AATF: variants seen among roughly 807,000 people sequenced by gnomAD.
The protein encoded by AATF is protein AATF.
AATF carries 48 observed loss-of-function variants against 63.7 expected under a neutral mutation model. The ratio of observed to expected loss-of-function variants is 0.75; its 90% CI spans 0.60 to 0.96. The LOEUF is 0.96. Among genes scored for constraint, AATF ranks in the 40% least tolerant of loss-of-function variants. The pLI, the probability that AATF is intolerant of heterozygous loss-of-function variation, is 0.00. For synonymous variants in AATF, 258 were observed against 247.7 expected, an observed-to-expected ratio of 1.04 and a Z score of -0.39; for missense variants, 639 against 685.7, an observed-to-expected ratio of 0.93 and a Z score of 0.76.
intron 4 of AATF, among the ~76,000 whole-genome samples, chr17:36,981,661 CTCTTTCTTCTTTCT>C (rs551265991): frequency 1.8e-4 from 26 of 147,438 alleles, no homozygotes; most frequent in African/African-American, 3.0e-4. Flanking sequence ...TTCTTTCTTC[CTCTTTCTTCTTTCT>C]TCTTTCTTCT....
intron 11 of AATF, among the ~76,000 whole-genome samples, chr17:37,045,195 C>G (rs1203818015): frequency 6.6e-6 from 1 of 152,182 alleles, no homozygotes; most frequent in Non-Finnish European, 1.5e-5. Flanking sequence ...CCTGAATGAG[C>G]CATAACCACA....
At chr17:37,000,773 A>G (rs1255345165) in intron 8 of AATF, among the ~76,000 whole-genome samples, 1 of 152,196 alleles carries the variant, frequency 6.6e-6, no homozygotes, top group Non-Finnish European at 1.5e-5. Flanking sequence ...AACAAAAGTG[A>G]TGAAGAAGGA....
At chr17:36,954,196 C>T (rs2070881265) in intron 4 of AATF, among the ~76,000 whole-genome samples, 1 of 151,742 alleles carries the variant, frequency 6.6e-6, no homozygotes, top group African/African-American at 2.4e-5. Context: ...GTGATCCTCC[C>T]ACCTTAGCCT....
At chr17:36,988,330 C>T (rs542679419) in intron 5 of AATF, among the ~76,000 whole-genome samples, 189 bp from the exon 6 acceptor site, 16 of 152,088 alleles carry the variant, frequency 1.1e-4, no homozygotes, top group East Asian at 3.9e-4. Flanking sequence ...AAAAGTTACA[C>T]GAGTTTTTGA....
intron 10 of AATF, among the ~76,000 whole-genome samples, chr17:37,029,297 G>A (rs1479963274): frequency 6.6e-6 from 1 of 151,820 alleles, no homozygotes; most frequent in Non-Finnish European, 1.5e-5. Flanking sequence ...AGGCTGGAGT[G>A]CAGTGGCCTG....
intron 4 of AATF, among the ~76,000 whole-genome samples, chr17:36,977,487 A>T (rs1380816907): frequency 1.3e-5 from 2 of 150,648 alleles, no homozygotes; most frequent in African/African-American, 4.9e-5. Flanking sequence ...TTTTTTTTTT[A>T]AAGACGTTAT....
intron 4 of AATF, among the ~76,000 whole-genome samples, chr17:36,954,760 G>A (rs2070886145): frequency 2.6e-5 from 4 of 152,108 alleles, no homozygotes; most frequent in South Asian, 4.1e-4. Flanking sequence ...TGTGTATGGC[G>A]GAGATGAGGC....
chr17:36,962,771 C>T (rs372074933), intron 4 of AATF, among the ~76,000 whole-genome samples: 8 of 152,190 alleles, frequency 5.3e-5, no homozygotes, highest in East Asian at 3.9e-4. Context: ...ACAATGGAAC[C>T]TCTTTATATG....
At chr17:36,987,153 A>ATTTTTTTTTTTTTTTT (rs11286976) in intron 5 of AATF, among the ~76,000 whole-genome samples, 7 of 121,358 alleles carry the variant, frequency 5.8e-5, no homozygotes, top group African/African-American at 2.3e-4. Flanking sequence ...ATGCCTGGCT[A>ATTTTTTTTTTTTTTTT]TTTTTTTTTT....
intron 4 of AATF, among the ~76,000 whole-genome samples, chr17:36,958,058 T>C (rs1240266165): frequency 1.3e-5 from 2 of 152,240 alleles, no homozygotes; most frequent in African/African-American, 4.8e-5. Flanking sequence ...TCTGATATTT[T>C]AGTGGCTGCA....
chr17:36,985,357 C>T (rs376785894), intron 4 of AATF, among the ~76,000 whole-genome samples: 11 of 152,076 alleles, frequency 7.2e-5, no homozygotes, highest in Non-Finnish European at 1.3e-4. Flanking sequence ...CAGCCTCAGC[C>T]TCCTGGGCTC....
At chr17:37,021,610 C>A (rs1486469591) in intron 10 of AATF, among the ~76,000 whole-genome samples, 1 of 151,772 alleles carries the variant, frequency 6.6e-6, no homozygotes, top group Non-Finnish European at 1.5e-5. Context: ...GCCTGAGTGA[C>A]AGAGCGAGAT....
At chr17:36,987,239 C>T (rs1462838613) in intron 5 of AATF, among the ~76,000 whole-genome samples, 2 of 151,690 alleles carry the variant, frequency 1.3e-5, no homozygotes, top group African/African-American at 2.4e-5. Flanking sequence ...CATCCTTCCA[C>T]CTCAGCCTCC....
In AATF at chr17:36,988,841, C is replaced by A. The variant is rs755562784; in HGVS notation, c.1149+121C>A. 23 of 986,318 alleles carry A rather than the reference C, an allele frequency of 2.3e-5. No individual in the cohort carries two copies. In the East Asian group the frequency reaches 6.0e-4, roughly 26 times the overall value. The allele number at this position is 986,318 out of a possible 1,614,324, so 61.1% of individuals were successfully genotyped here. A position where few individuals can be genotyped will look rare whatever the true frequency, so the allele number is the denominator to read the frequency against. Reference sequence around the variant, plus strand: ...TTGTCACGATGTAATGGTAATCATTCATTTCTATAGCAAAATCTACTGAAC... The same window carrying A: ...TTGTCACGATGTAATGGTAATCATTAATTTCTATAGCAAAATCTACTGAAC... On this transcript the variant is annotated intron_variant, in intron 6 of 11. Coordinates refer to ENST00000619387, the MANE Select transcript of AATF (RefSeq NM_012138.4).
intron 4 of AATF, among the ~76,000 whole-genome samples, chr17:36,982,501 G>A (rs938346725): frequency 5.6e-4 from 85 of 151,930 alleles, no homozygotes; most frequent in African/African-American, 1.9e-3. Context: ...CTACAGGCAC[G>A]TGCCACCACG....
chr17:36,988,476 A>G (rs1185621720), intron 5 of AATF, 43 bp from the exon 6 acceptor site: 1 of 1,587,468 alleles, frequency 6.3e-7, no homozygotes, highest in African/African-American at 1.3e-5. Context: ...AATCTAAGTA[A>G]TGTTTGTTTA....
chr17:36,967,268 C>T (rs1401900287), intron 4 of AATF, among the ~76,000 whole-genome samples: 1 of 152,088 alleles, frequency 6.6e-6, no homozygotes, highest in East Asian at 1.9e-4. Flanking sequence ...GATCAGTGTT[C>T]AGTATTTACA....
intron 8 of AATF, among the ~76,000 whole-genome samples, chr17:37,002,670 T>C (rs538130633): frequency 6.8e-6 from 1 of 146,712 alleles, no homozygotes; most frequent in African/African-American, 2.5e-5. Context: ...AGACTCCATC[T>C]CAAAAAAAAA....
intron 11 of AATF, among the ~76,000 whole-genome samples, chr17:37,051,752 A>C (rs2071753527): frequency 6.6e-6 from 1 of 151,740 alleles, no homozygotes; most frequent in Admixed American, 6.6e-5. Context: ...TTTATGGAAA[A>C]TGGCGGCTAA....
Sources: allele counts gnomAD v4.1 joint callset (sites outside exome capture counted in the v4.1 genomes callset), GRCh38; gene constraint gnomAD v4.1.1; transcripts MANE v1.5; gene names NCBI Gene and HGNC (gene_info 2026-07-23, HGNC 2026-07-21).